The following POU1F1 variants were observed in gnomAD, a reference collection of about 807,000 sequenced individuals.
POU1F1 encodes POU class 1 homeobox 1, also known as pituitary-specific positive transcription factor 1.
In POU1F1, 23 loss-of-function variants were observed where a neutral mutation model predicts 32.3. The ratio of observed to expected loss-of-function variants is 0.71; its 90% CI spans 0.51 to 1.01. The LOEUF (loss-of-function observed/expected upper bound fraction) is 1.01. Ranked by LOEUF, POU1F1 falls within the 50% of genes least tolerant of loss-of-function variation. POU1F1 has a pLI of 0.00. For missense variants in POU1F1, 323 were observed against 341.6 expected, an observed-to-expected ratio of 0.95 and a Z score of 0.43; for synonymous variants, 120 against 115.6, an observed-to-expected ratio of 1.04 and a Z score of -0.25.
chr3:87,268,425 C>A (rs914597756), intron 2 of POU1F1, among the ~76,000 whole-genome samples: 2 of 151,926 alleles, frequency 1.3e-5, no homozygotes, highest in Non-Finnish European at 2.9e-5. Flanking sequence ...TTTTTCATTG[C>A]ATGAAAGTAT....
intron 4 of POU1F1, 21 bp from the exon 5 acceptor site, chr3:87,261,354 AT>A (rs1559614356): frequency 6.5e-7 from 1 of 1,548,262 alleles, no homozygotes; most frequent in Non-Finnish European, 8.9e-7. Flanking sequence ...GAAAAGAGAG[AT>A]AATTACAAAC....
chr3:87,272,217 AC>A (rs1706740546), intron 2 of POU1F1, among the ~76,000 whole-genome samples: 1 of 151,944 alleles, frequency 6.6e-6, no homozygotes, highest in Admixed American at 6.6e-5. Flanking sequence ...ACACGCACAC[AC>A]ACATTTACTC....
At position 87,276,321 on chromosome 3, in the gene POU1F1, C is replaced by G. The variant is rs1436295868; in HGVS notation, c.142G>C (p.Ala48Pro). Residue 48 changes from alanine to proline, a missense_variant and splice_region_variant, in exon 1 of 6, where the codon GCA (alanine) becomes CCA (proline). Ala to Pro is a conservative substitution (Grantham distance 27). Transcript: ENST00000350375. Reference protein sequence around the residue: ...SNHATNVMSTATGLHYSVPSC... With the variant: ...SNHATNVMSTPTGLHYSVPSC... ...TGTAAACTGTCATAGGAGTCAGTAC[C>G]TGTAGACATCACATTGGTGGCATGG... 4 of 1,613,842 alleles carry G rather than the reference C, an allele frequency of 2.5e-6. No individual in the cohort carries two copies. The highest frequency in any genetic ancestry group is 3.4e-6 in the Non-Finnish European group (4 of 1,179,796).
intron 2 of POU1F1, among the ~76,000 whole-genome samples, chr3:87,269,385 C>T (rs79847944): frequency 0.039 from 5,897 of 152,064 alleles, 174 homozygotes; most frequent in African/African-American, 0.084. Flanking sequence ...GGTTGCCAAC[C>T]CCTAGTCTGG....
In POU1F1 at chr3:87,264,581, G is replaced by C. The variant is rs377518786; in HGVS notation, c.215-69C>G. The C allele has an allele frequency of 3.8e-5, 49 of 1,295,996 alleles. No individual in the cohort carries two copies. The African/African-American group carries it at 4.7e-4, about 12-fold the overall frequency. The allele number at this position is 1,295,996 out of a possible 1,614,324, so 80.3% of individuals were successfully genotyped here. On this transcript the variant is annotated intron_variant, in intron 2 of 5. Transcript: ENST00000350375. The stretch of plus-strand genomic sequence containing the variant: ...TTCTCCTTATTTCTATATAAGAAAG[G>C]GTTTTGCCTGACTTAGCCCATTATT...
chr3:87,261,315 A>G lies in POU1F1; in HGVS notation c.623T>C (p.Val208Ala), dbSNP rs1706510776. Residue 208 changes from valine (V) to alanine (A), a missense_variant, in exon 5 of 6, where the codon GTG (valine) becomes GCG (alanine). Val to Ala is a moderately conservative substitution (Grantham distance 64). Transcript: ENST00000350375. ...EQVGALYNEKVGANERKRKRR... is the reference protein window; with the variant it reads ...EQVGALYNEKAGANERKRKRR... Reference sequence around the variant, plus strand: ...TTTTCTTTTCCTTTCATTTGCTCCCACTTTTTCATTGTACAAAGCTATAAT... The same window carrying G: ...TTTTCTTTTCCTTTCATTTGCTCCCGCTTTTTCATTGTACAAAGCTATAAT... The G allele has an allele frequency of 3.8e-6, 6 of 1,593,108 alleles. No individual in the cohort carries two copies. The highest frequency in any genetic ancestry group is 5.1e-6 in the Non-Finnish European group (6 of 1,165,260).
At position 87,262,224 on chromosome 3, in the gene POU1F1, T is replaced by C. The variant is rs752457957; in HGVS notation, c.451A>G (p.Thr151Ala). Residue 151 changes from threonine to alanine, a missense_variant, in exon 4 of 6, where the codon ACA becomes GCA. Thr to Ala is a moderately conservative substitution (Grantham distance 58). Transcript: ENST00000350375. Reference sequence around the variant, plus strand: ...GCTGCCAGGGCCTCCCCAACATTTGTCTGGGTGTATCCTGTGAAGGGACAA... The same window carrying C: ...GCTGCCAGGGCCTCCCCAACATTTGCCTGGGTGTATCCTGTGAAGGGACAA... ...VRRIKLGYTQ[T>A]NVGEALAAVH... 6.2e-7 allele frequency: 1 copy of C among 1,614,108 alleles called. No homozygotes were observed. Among genetic ancestry groups the C allele is most frequent in the Non-Finnish European group, 8.5e-7 (1 of 1,179,976 alleles).
chr3:87,264,378 A>G lies in POU1F1; in HGVS notation c.349T>C (p.Leu117=). The G allele has an allele frequency of 1.5e-5, 24 of 1,613,814 alleles. No individual in the cohort carries two copies. Among genetic ancestry groups the G allele is most frequent in the Non-Finnish European group, 2.0e-5 (24 of 1,179,890 alleles). Residue 117 remains leucine (L), a synonymous_variant, in exon 3 of 6, where the codon TTG becomes CTG. Transcript: ENST00000350375. The part of the protein sequence containing the change: ...FKQELRRKSK[L]VEEPIDMDSP... ...TCCATGTCTATTGGCTCTTCCACCA[A>G]TTTACTTTTCCGCCTGAGTTCCTGC...
intron 2 of POU1F1, 86 bp from the exon 3 acceptor site, chr3:87,264,598 C>A (rs1706582350): frequency 9.4e-7 from 1 of 1,063,098 alleles, no homozygotes; most frequent in Admixed American, 1.9e-5. Context: ...CCTGACTTAG[C>A]CCATTATTCT....
At chr3:87,263,378 T>C (rs1387823579) in intron 3 of POU1F1, among the ~76,000 whole-genome samples, 3 of 152,270 alleles carry the variant, frequency 2.0e-5, no homozygotes, top group East Asian at 3.9e-4. Context: ...TCAACCACCA[T>C]TTATTTATTT....
chr3:87,263,573 A>G (rs958478337), intron 3 of POU1F1, among the ~76,000 whole-genome samples: 1 of 152,138 alleles, frequency 6.6e-6, no homozygotes, highest in African/African-American at 2.4e-5. Context: ...CATCTATCAA[A>G]ATTACCAGTA....
intron 2 of POU1F1, among the ~76,000 whole-genome samples, chr3:87,268,026 A>C (rs905017222): frequency 6.6e-6 from 1 of 151,816 alleles, no homozygotes; most frequent in African/African-American, 2.4e-5. Context: ...AAGGTTTGGC[A>C]TCCAGAACAA....
Position 87,264,376 on chromosome 3 carries a change from C to G in POU1F1, c.351G>C (p.Leu117Phe), listed in dbSNP as rs755420364. Residue 117 changes from leucine (L) to phenylalanine (F), a missense_variant, in exon 3 of 6, where the codon TTG becomes TTC. By Grantham distance (22) the Leu-to-Phe change is conservative (BLOSUM62 0). Coordinates refer to ENST00000350375, the MANE Select transcript of POU1F1 (RefSeq NM_000306.4). Reference sequence around the variant, plus strand: ...AATCCATGTCTATTGGCTCTTCCACCAATTTACTTTTCCGCCTGAGTTCCT... The same window carrying G: ...AATCCATGTCTATTGGCTCTTCCACGAATTTACTTTTCCGCCTGAGTTCCT... ...FKQELRRKSK[L>F]VEEPIDMDSP... The G allele has an allele frequency of 1.2e-6, 2 of 1,613,886 alleles. No homozygotes were observed. The highest frequency in any genetic ancestry group is 1.7e-6 in the Non-Finnish European group (2 of 1,179,900).
intron 4 of POU1F1, 106 bp downstream of exon 4, chr3:87,261,965 C>G: frequency 1.5e-6 from 2 of 1,332,682 alleles, no homozygotes; most frequent in Non-Finnish European, 2.1e-6. Flanking sequence ...AGAGAAAAGG[C>G]GGAAAAAAAC....
At chr3:87,270,257 A>G (rs1423453390) in intron 2 of POU1F1, among the ~76,000 whole-genome samples, 1 of 152,188 alleles carries the variant, frequency 6.6e-6, no homozygotes, top group Non-Finnish European at 1.5e-5. Flanking sequence ...ACTCAACCCC[A>G]GTAGAGTTGT....
At position 87,259,596 on chromosome 3, in the gene POU1F1, C is replaced by G. The variant is rs1706465747; in HGVS notation, c.*298G>C. The G allele has an allele frequency of 5.6e-6, 2 of 356,542 alleles. No individual in the cohort carries two copies. Among genetic ancestry groups the G allele is most frequent in the East Asian group, 1.4e-4 (2 of 14,610 alleles). 22.1% of individuals were successfully genotyped at this position (356,542 alleles called of 1,614,324 possible). A position where few individuals can be genotyped will look rare whatever the true frequency, so the allele number is the denominator to read the frequency against. ...GAAAAGGAACTTATAAACCCATACT[C>G]ATATGTCTGCGTGTGTGTGAGAAAG... On this transcript the variant is annotated 3_prime_UTR_variant, in exon 6 of 6. Transcript: ENST00000350375.
At position 87,276,473 on chromosome 3, in the gene POU1F1, G is replaced by A. The variant is rs767428065; in HGVS notation, c.-11C>T. The A allele has an allele frequency of 1.2e-6, 2 of 1,613,508 alleles. No individual in the cohort carries two copies. Among genetic ancestry groups the A allele is most frequent in the Non-Finnish European group, 1.7e-6 (2 of 1,179,686 alleles). ...AGCTTGGCAACTCATTCCCACAAGA[G>A]AGTAGAAAAATAAGGAGAACCGCTG... On this transcript the variant is annotated 5_prime_UTR_variant, in exon 1 of 6. Coordinates refer to ENST00000350375, the MANE Select transcript of POU1F1 (RefSeq NM_000306.4).
intron 2 of POU1F1, among the ~76,000 whole-genome samples, chr3:87,273,039 G>A (rs1194826444): frequency 6.6e-6 from 1 of 152,008 alleles, no homozygotes; most frequent in Non-Finnish European, 1.5e-5. Flanking sequence ...TTTTAGTGAA[G>A]GTAAGCCTAC....
chr3:87,268,357 T>G (rs1706663889), intron 2 of POU1F1, among the ~76,000 whole-genome samples: 1 of 152,176 alleles, frequency 6.6e-6, no homozygotes. Flanking sequence ...TCTGCCTGCC[T>G]CGGCCTCCTA....
Sources: allele counts gnomAD v4.1 joint callset (sites outside exome capture counted in the v4.1 genomes callset), GRCh38; gene constraint gnomAD v4.1.1; transcripts MANE v1.5; gene names NCBI Gene and HGNC (gene_info 2026-07-23, HGNC 2026-07-21).